RELL1: variants seen among roughly 807,000 people sequenced by gnomAD.
RELL1 encodes the protein RELT like 1, also known as RELT-like protein 1.
RELL1 carries 10 observed loss-of-function variants against 23.0 expected under a neutral mutation model. The ratio of observed to expected loss-of-function variants is 0.43; its 90% CI spans 0.27 to 0.74. RELL1 has a LOEUF of 0.74. RELL1 is among the 30% of genes least tolerant of loss of function. The pLI is 0.19. For missense variants in RELL1, 315 were observed against 364.4 expected (o/e 0.86, Z 1.10); for synonymous variants, 146 against 146.8 (o/e 0.99, Z 0.04).
chr4:37,662,576 C>T (rs1721392485), intron 1 of RELL1, among the ~76,000 whole-genome samples: 1 of 121,696 alleles, frequency 8.2e-6, no homozygotes, highest in African/African-American at 4.2e-5. Flanking sequence ...AAAGAAACAT[C>T]TTAAAAAAAA....
At chr4:37,683,230 C>T (rs979867069) in intron 1 of RELL1, among the ~76,000 whole-genome samples, 1 of 152,146 alleles carries the variant, frequency 6.6e-6, no homozygotes, top group Non-Finnish European at 1.5e-5. Context: ...CTCTGCAGAG[C>T]AGTGGGGTAC....
chr4:37,604,028 C>A (rs369906479), intron 6 of RELL1, among the ~76,000 whole-genome samples: 1 of 152,094 alleles, frequency 6.6e-6, no homozygotes, highest in Non-Finnish European at 1.5e-5. Context: ...TTTCACGTTG[C>A]CCAGGCTGGT....
intron 1 of RELL1, among the ~76,000 whole-genome samples, chr4:37,669,743 A>T (rs1251183931): frequency 6.6e-6 from 1 of 152,088 alleles, no homozygotes; most frequent in Non-Finnish European, 1.5e-5. Context: ...CCCCAACCCA[A>T]CCCTGTGCTC....
At chr4:37,640,195 T>C (rs1720479117) in intron 3 of RELL1, among the ~76,000 whole-genome samples, 4 of 152,230 alleles carry the variant, frequency 2.6e-5, no homozygotes, top group African/African-American at 9.6e-5. Context: ...ACTTAATCTT[T>C]TGCCAAAAGA....
At chr4:37,609,502 A>G (rs13115831), downstream of RELL1, among the ~76,000 whole-genome samples, 46,045 of 152,230 alleles carry the variant, frequency 0.3, 8,784 homozygotes, top group Non-Finnish European at 0.42. Context: ...AAGTCTAATT[A>G]TTTAAGAAAG....
At chr4:37,640,863 C>T (rs1397542211) in intron 3 of RELL1, among the ~76,000 whole-genome samples, 1 of 152,046 alleles carries the variant, frequency 6.6e-6, no homozygotes, top group Admixed American at 6.5e-5. Flanking sequence ...ACTCTGCCAA[C>T]ATTTACCATA....
At chr4:37,610,415 G>A (rs942648233), downstream of RELL1, among the ~76,000 whole-genome samples, 6 of 152,118 alleles carry the variant, frequency 3.9e-5, no homozygotes, top group African/African-American at 9.7e-5. The surrounding 1 kb of genome is among the most constrained non-coding windows in gnomAD (Gnocchi z 4.1). Flanking sequence ...GCAGTAGGCC[G>A]GGGCTGAACC....
At chr4:37,624,420 T>TTC (rs1491075117) in intron 6 of RELL1, among the ~76,000 whole-genome samples, 1 of 9,482 alleles carries the variant, frequency 1.1e-4, no homozygotes, top group Non-Finnish European at 2.6e-4. Context: ...CTTTCTTTCT[T>TTC]TTTTTTTTTT....
intron 1 of RELL1, among the ~76,000 whole-genome samples, chr4:37,669,335 C>G (rs1314353409): frequency 1.3e-5 from 2 of 149,380 alleles, no homozygotes; most frequent in Non-Finnish European, 3.0e-5. Flanking sequence ...TCTGCCTGGC[C>G]AGCCGCTCCC....
At chr4:37,636,151 A>G (rs1448658930) in intron 4 of RELL1, among the ~76,000 whole-genome samples, 1 of 152,234 alleles carries the variant, frequency 6.6e-6, no homozygotes, top group Admixed American at 6.5e-5. Flanking sequence ...TCACACTGCA[A>G]ATAAGTGCTG....
chr4:37,654,747 T>C (rs1264869652), intron 1 of RELL1, among the ~76,000 whole-genome samples: 1 of 152,212 alleles, frequency 6.6e-6, no homozygotes, highest in African/African-American at 2.4e-5. Context: ...TGAAATAATA[T>C]GCACTATTTA....
intron 6 of RELL1, among the ~76,000 whole-genome samples, chr4:37,604,798 G>GACACACAC (rs368655689): frequency 6.9e-5 from 8 of 116,412 alleles, no homozygotes; most frequent in Admixed American, 1.7e-4. Flanking sequence ...CACACACACA[G>GACACACAC]ACACACACAC....
intron 4 of RELL1, among the ~76,000 whole-genome samples, chr4:37,635,794 G>C (rs1033757866): frequency 3.3e-5 from 5 of 152,172 alleles, no homozygotes; most frequent in Non-Finnish European, 5.9e-5. Flanking sequence ...CAGAGTGTCT[G>C]CCTATCACTC....
intron 1 of RELL1, among the ~76,000 whole-genome samples, chr4:37,653,236 G>A (rs1468576483): frequency 1.3e-5 from 2 of 152,060 alleles, no homozygotes; most frequent in Non-Finnish European, 2.9e-5. Context: ...TGACATAATT[G>A]ACTATTACCC....
chr4:37,634,385 G>C (rs1359414796), intron 5 of RELL1, among the ~76,000 whole-genome samples: 3 of 152,230 alleles, frequency 2.0e-5, no homozygotes, highest in African/African-American at 7.2e-5. Context: ...TTGGCTGGGT[G>C]ATCAAGTTCC....
At chr4:37,588,242 C>T (rs970286266), downstream of RELL1, 1 of 152,344 alleles carries the variant, frequency 6.6e-6, no homozygotes, top group Non-Finnish European at 1.5e-5. Flanking sequence ...AACAGGTCCA[C>T]AAATCATAGC....
chr4:37,618,181 G>A (rs960346830), intron 6 of RELL1, among the ~76,000 whole-genome samples: 12 of 152,146 alleles, frequency 7.9e-5, no homozygotes, highest in African/African-American at 2.2e-4. Flanking sequence ...TAGATGCTCT[G>A]TGTCTGTACA....
intron 6 of RELL1, among the ~76,000 whole-genome samples, chr4:37,616,545 A>G (rs982612374): frequency 5.9e-5 from 9 of 152,222 alleles, no homozygotes; most frequent in Non-Finnish European, 1.3e-4. Context: ...CTAAAAACCT[A>G]TACTTTAAAG....
At chr4:37,655,497 C>T (rs536235718) in intron 1 of RELL1, among the ~76,000 whole-genome samples, 23 of 152,246 alleles carry the variant, frequency 1.5e-4, no homozygotes, top group African/African-American at 5.1e-4. Context: ...CTTCTACAAG[C>T]TAAGGGACAC....
Sources: gnomAD v4.1 joint callset for allele counts (sites outside exome capture counted in the v4.1 genomes callset) on GRCh38, gnomAD v4.1.1 for gene constraint, Gnocchi (gnomAD v3.1) non-coding constraint, MANE v1.5 for transcripts, NCBI Gene and HGNC (gene_info 2026-07-23, HGNC 2026-07-21) for gene names.